CSMD3: variants seen among roughly 807,000 people sequenced by gnomAD.
CSMD3 encodes the protein CUB and sushi domain-containing protein 3.
In CSMD3, 177 loss-of-function variants were observed where a neutral mutation model predicts 435.2. The ratio of observed to expected loss-of-function variants is 0.41; its 90% CI spans 0.36 to 0.46. The LOEUF is 0.46. Ranked by LOEUF, CSMD3 falls within the 20% of genes least tolerant of loss-of-function variation. The pLI is 0.34. For synonymous variants in CSMD3, 1,656 were observed against 1,520.5 expected (o/e 1.09, Z -2.07); for missense variants, 4,265 against 4,504.6 (o/e 0.95, Z 1.52).
chr8:112,517,261 A>G (rs2130990992), intron 27 of CSMD3, 36 bp from the exon 28 acceptor site: 1 of 1,509,666 alleles, frequency 6.6e-7, no homozygotes. Context: ...TAGTTTTGAT[A>G]ACTACCAAAA....
chr8:113,434,509 T>A (rs1385851555), intron 1 of CSMD3, among the ~76,000 whole-genome samples: 1 of 152,130 alleles, frequency 6.6e-6, no homozygotes, highest in East Asian at 1.9e-4. Flanking sequence ...GTCTAAAACA[T>A]AAAACCTATG....
chr8:113,338,093 A>G (rs2094090508), intron 1 of CSMD3, among the ~76,000 whole-genome samples: 1 of 152,018 alleles, frequency 6.6e-6, no homozygotes, highest in Non-Finnish European at 1.5e-5. Flanking sequence ...AACAATAAAA[A>G]GAACAACAAA....
chr8:112,499,703 C>T (rs975708033), intron 30 of CSMD3, among the ~76,000 whole-genome samples: 9 of 152,076 alleles, frequency 5.9e-5, no homozygotes, highest in African/African-American at 2.2e-4. Flanking sequence ...AATCATAATG[C>T]TATACTTAGA....
chr8:113,402,444 G>A (rs2094514513), intron 1 of CSMD3, among the ~76,000 whole-genome samples: 1 of 151,268 alleles, frequency 6.6e-6, no homozygotes, highest in African/African-American at 2.4e-5. Flanking sequence ...CAAGGTTTAT[G>A]TACCAAGCAA....
chr8:112,865,078 T>C (rs555021635), intron 10 of CSMD3, among the ~76,000 whole-genome samples: 6 of 152,324 alleles, frequency 3.9e-5, no homozygotes, highest in South Asian at 4.1e-4. Context: ...AAAAGATTTA[T>C]TCCTAGCTTG....
At chr8:113,053,723 T>G (rs182694890) in intron 5 of CSMD3, among the ~76,000 whole-genome samples, 22 of 152,276 alleles carry the variant, frequency 1.4e-4, no homozygotes, top group Admixed American at 5.9e-4. Flanking sequence ...ATTGTAGAAC[T>G]TTATACATCA....
chr8:112,700,205 C>T (rs1374848917), intron 13 of CSMD3, among the ~76,000 whole-genome samples: 2 of 152,038 alleles, frequency 1.3e-5, no homozygotes, highest in African/African-American at 4.8e-5. Flanking sequence ...ATGCTTCTAT[C>T]AAAAGGTAGA....
rs554776164 is a variant in CSMD3, at chr8:112,651,577, G to A, written c.3005-1228C>T. Among the ~76,000 whole-genome samples, 8 of 140,040 alleles carry A rather than the reference G, an allele frequency of 5.7e-5. No homozygotes were observed. In the East Asian group the frequency reaches 1.5e-3, roughly 26 times the overall value. 91.9% of individuals were successfully genotyped at this position (140,040 alleles called of 152,430 possible). A position where few individuals can be genotyped will look rare whatever the true frequency, so the allele number is the denominator to read the frequency against. On this transcript the variant is annotated intron_variant, in intron 18 of 70. Coordinates refer to ENST00000297405, the MANE Select transcript of CSMD3 (RefSeq NM_198123.2). ...TTTTTTGACGGAGTCTCGCTTTGTC[G>A]CCCAGGCTGGAGTACAATGGCGTGA... is the stretch of plus-strand genomic sequence containing the variant.
chr8:112,937,835 A>C (rs2083332482), intron 9 of CSMD3, among the ~76,000 whole-genome samples: 1 of 152,168 alleles, frequency 6.6e-6, no homozygotes, highest in Admixed American at 6.6e-5. Context: ...AATTCAATGC[A>C]GCAAGTGATT....
intron 10 of CSMD3, among the ~76,000 whole-genome samples, chr8:112,906,837 C>A (rs915063580): frequency 6.6e-6 from 1 of 151,498 alleles, no homozygotes; most frequent in African/African-American, 2.4e-5. Flanking sequence ...CATATTACAA[C>A]CATAGGGTTT....
intron 1 of CSMD3, among the ~76,000 whole-genome samples, chr8:113,375,730 A>G (rs1483189138): frequency 6.6e-6 from 1 of 152,162 alleles, no homozygotes; most frequent in Non-Finnish European, 1.5e-5. Flanking sequence ...AATTCTGCCA[A>G]CATAAAATCG....
intron 1 of CSMD3, among the ~76,000 whole-genome samples, chr8:113,348,816 A>C (rs1433826630): frequency 6.6e-6 from 1 of 152,094 alleles, no homozygotes; most frequent in East Asian, 1.9e-4. Flanking sequence ...TACGTGTATC[A>C]TACAGAATAT....
At chr8:112,448,532 G>A (rs1426474195) in intron 32 of CSMD3, among the ~76,000 whole-genome samples, 1 of 152,070 alleles carries the variant, frequency 6.6e-6, no homozygotes, top group Non-Finnish European at 1.5e-5. Context: ...GAATGCTAAG[G>A]ACAGCCAGCA....
intron 39 of CSMD3, among the ~76,000 whole-genome samples, chr8:112,352,118 A>G (rs1383175988): frequency 6.6e-6 from 1 of 152,154 alleles, no homozygotes; most frequent in Non-Finnish European, 1.5e-5. Flanking sequence ...ACAAAAGTAA[A>G]GATTAATTTT....
At position 112,255,236 on chromosome 8, in the gene CSMD3, G is replaced by C. The variant is rs1480451754; in HGVS notation, c.10036+18C>G. The C allele has an allele frequency of 6.3e-7, 1 of 1,595,256 alleles. No homozygotes were observed. The highest frequency in any genetic ancestry group is 8.6e-7 in the Non-Finnish European group (1 of 1,163,050). On this transcript the variant is annotated intron_variant, in intron 62 of 70. Transcript: ENST00000297405. ...ATTACACAGTTACTGTGCATAATCA[G>C]CCTTTAATTAATATTACCTATGCAG...
intron 22 of CSMD3, among the ~76,000 whole-genome samples, chr8:112,627,397 T>G (rs1834570282): frequency 6.6e-6 from 1 of 152,248 alleles, no homozygotes; most frequent in East Asian, 1.9e-4. Flanking sequence ...ACTTTCGTAA[T>G]TCTTTCTCGT....
chr8:112,716,573 C>A (rs1043753195), intron 13 of CSMD3, among the ~76,000 whole-genome samples: 1 of 151,820 alleles, frequency 6.6e-6, no homozygotes, highest in Admixed American at 6.6e-5. Context: ...CAAAAAGAAC[C>A]ACTTTAAATT....
chr8:112,925,059 G>T (rs376142995), intron 9 of CSMD3, among the ~76,000 whole-genome samples: 1 of 151,922 alleles, frequency 6.6e-6, no homozygotes, highest in East Asian at 1.9e-4. Flanking sequence ...TTAAGTTCTG[G>T]TGGGGGAAAT....
chr8:112,327,751 G>T (rs1459688882), intron 45 of CSMD3, among the ~76,000 whole-genome samples: 1 of 152,144 alleles, frequency 6.6e-6, no homozygotes, highest in Non-Finnish European at 1.5e-5. Context: ...ATCTTCTGAG[G>T]ATGGCTATTA....
Sources: allele counts gnomAD v4.1 joint callset (sites outside exome capture counted in the v4.1 genomes callset), GRCh38; gene constraint gnomAD v4.1.1; transcripts MANE v1.5; gene names NCBI Gene and HGNC (gene_info 2026-07-23, HGNC 2026-07-21).